Variants in SPOCK1 observed in about 807,000 individuals in gnomAD.
The protein encoded by SPOCK1 is SPARC (osteonectin), cwcv and kazal like domains proteoglycan 1.
SPOCK1 carries 23 observed loss-of-function variants against 55.3 expected under a neutral mutation model. The ratio of observed to expected loss-of-function variants is 0.42; its 90% CI spans 0.30 to 0.59. The LOEUF (loss-of-function observed/expected upper bound fraction) is 0.59. Ranked by LOEUF, SPOCK1 falls within the 20% of genes least tolerant of loss-of-function variation. SPOCK1 has a pLI of 0.22. For synonymous variants in SPOCK1, 226 were observed against 221.0 expected (o/e 1.02, Z -0.20); for missense variants, 499 against 552.5 (o/e 0.90, Z 0.97).
chr5:137,132,346 G>T (rs1753902416), intron 4 of SPOCK1, among the ~76,000 whole-genome samples: 1 of 152,158 alleles, frequency 6.6e-6, no homozygotes, highest in South Asian at 2.1e-4. Context: ...AGCAAGATCT[G>T]ATCCCTAATG....
At chr5:137,454,267 A>T (rs1753319050) in intron 2 of SPOCK1, among the ~76,000 whole-genome samples, 2 of 152,242 alleles carry the variant, frequency 1.3e-5, no homozygotes, top group South Asian at 4.2e-4. Flanking sequence ...CAGACTTAAG[A>T]GGACAGCCAC....
At chr5:137,436,555 A>C (rs1365935760) in intron 2 of SPOCK1, among the ~76,000 whole-genome samples, 1 of 152,182 alleles carries the variant, frequency 6.6e-6, no homozygotes, top group Non-Finnish European at 1.5e-5. Context: ...TCTATTATGC[A>C]TCATTTCCAA....
chr5:137,479,740 G>A (rs910119678), intron 2 of SPOCK1, among the ~76,000 whole-genome samples: 2 of 152,192 alleles, frequency 1.3e-5, no homozygotes, highest in Admixed American at 6.5e-5. Context: ...AGAGATGTGT[G>A]GCATGAGAAG....
rs75564212 is a variant in SPOCK1 at position 137,202,347 on chromosome 5, C to T, written c.233-61653G>A. 6.0e-3 allele frequency among the ~76,000 whole-genome samples: 913 copies of T among 152,296 alleles called. 13 individuals carry two copies. The highest frequency in any genetic ancestry group is 0.021 in the African/African-American group (858 of 41,570). On this transcript the variant is annotated intron_variant, in intron 3 of 10. Coordinates refer to ENST00000394945, the MANE Select transcript of SPOCK1 (RefSeq NM_004598.4). Reference sequence around the variant, plus strand: ...TGCTTGTGAATATACTGCTAATACACAATTTTTTGAATGTTTTTCTTGTGT... The same window carrying T: ...TGCTTGTGAATATACTGCTAATACATAATTTTTTGAATGTTTTTCTTGTGT...
At chr5:136,988,813 T>G in intron 7 of SPOCK1, 170 bp from the exon 8 acceptor site, 1 of 553,828 alleles carries the variant, frequency 1.8e-6, no homozygotes, top group Admixed American at 3.4e-5. Flanking sequence ...TTTTGTGTTT[T>G]TTTGTTTTGT....
At chr5:137,213,574 G>A (rs1009875587) in intron 3 of SPOCK1, among the ~76,000 whole-genome samples, 4 of 152,134 alleles carry the variant, frequency 2.6e-5, no homozygotes, top group African/African-American at 7.2e-5. Flanking sequence ...TAACCACCAC[G>A]CTCGCAAGAG....
intron 5 of SPOCK1, among the ~76,000 whole-genome samples, chr5:137,098,945 T>G (rs545835816): frequency 1.3e-5 from 2 of 151,132 alleles, no homozygotes; most frequent in African/African-American, 4.9e-5. Flanking sequence ...CCAAGACCTC[T>G]TCTCAAAGAG....
At chr5:137,052,745 GTAT>G (rs1328523255) in intron 6 of SPOCK1, among the ~76,000 whole-genome samples, 1 of 152,114 alleles carries the variant, frequency 6.6e-6, no homozygotes, top group African/African-American at 2.4e-5. Flanking sequence ...ATATAATTAA[GTAT>G]TATTAAGCTA....
intron 4 of SPOCK1, among the ~76,000 whole-genome samples, chr5:137,117,252 TA>T (rs1204113762): frequency 6.6e-6 from 1 of 152,242 alleles, no homozygotes; most frequent in Non-Finnish European, 1.5e-5. Context: ...AATTCAAGTC[TA>T]TAGGACTGGA....
At chr5:137,126,648 G>C (rs1442584888) in intron 4 of SPOCK1, among the ~76,000 whole-genome samples, 1 of 152,152 alleles carries the variant, frequency 6.6e-6, no homozygotes, top group Admixed American at 6.5e-5. Context: ...TGTAATCCAA[G>C]CTACTCGGGA....
rs7723483 is a variant in SPOCK1 at position 137,073,881 on chromosome 5, G to A, written c.475-6052C>T. ...CCTTATAGTGTTATTATTACACAAAGAAGAAAATGCACACTTTCAATAAAA... is the reference window on the plus strand; with the variant it reads ...CCTTATAGTGTTATTATTACACAAAAAAGAAAATGCACACTTTCAATAAAA... On this transcript the variant is annotated intron_variant, in intron 5 of 10. Transcript: ENST00000394945. Among the ~76,000 whole-genome samples, 422 of 152,260 alleles carry A rather than the reference G, an allele frequency of 2.8e-3. 7 individuals carry two copies. Among genetic ancestry groups the A allele is most frequent in the African/African-American group, 9.8e-3 (407 of 41,552 alleles).
chr5:137,221,475 A>G (rs767025353), intron 3 of SPOCK1, among the ~76,000 whole-genome samples: 5 of 152,188 alleles, frequency 3.3e-5, no homozygotes, highest in Non-Finnish European at 5.9e-5. Context: ...CAACAGATCT[A>G]TATGTTATGA....
intron 5 of SPOCK1, among the ~76,000 whole-genome samples, chr5:137,104,559 G>C (rs1344231875): frequency 2.0e-5 from 3 of 152,290 alleles, no homozygotes; most frequent in Admixed American, 1.3e-4. Context: ...TTAGGAACCG[G>C]CCCACAGCAG....
intron 2 of SPOCK1, among the ~76,000 whole-genome samples, chr5:137,479,754 C>A (rs1369652751): frequency 1.3e-5 from 2 of 152,190 alleles, no homozygotes; most frequent in Non-Finnish European, 2.9e-5. Context: ...TGAGAAGAAA[C>A]AAACCTTTGT....
chr5:137,106,595 T>C (rs1753374037), intron 5 of SPOCK1, among the ~76,000 whole-genome samples: 1 of 152,070 alleles, frequency 6.6e-6, no homozygotes, highest in East Asian at 1.9e-4. Flanking sequence ...AAATACCTTT[T>C]TAGATGGTTT....
At chr5:137,297,151 CATGT>C (rs1243151597) in intron 2 of SPOCK1, among the ~76,000 whole-genome samples, 5 of 152,164 alleles carry the variant, frequency 3.3e-5, no homozygotes, top group African/African-American at 1.2e-4. Flanking sequence ...CACACACATA[CATGT>C]ATGTATGCAT....
chr5:137,469,842 G>A (rs1024218159), intron 2 of SPOCK1, among the ~76,000 whole-genome samples: 1 of 152,144 alleles, frequency 6.6e-6, no homozygotes, highest in African/African-American at 2.4e-5. Flanking sequence ...CCCCACCCAA[G>A]AGGCTATTTC....
At position 137,173,921 on chromosome 5, in the gene SPOCK1, C is replaced by T. The variant is rs1483387486; in HGVS notation, c.233-33227G>A. ...TCATTTAATCCTTGCAACAATGCCA[C>T]GAAGTATGTGTAATTACCATTTTAT... On this transcript the variant is annotated intron_variant, in intron 3 of 10. Coordinates refer to ENST00000394945, the MANE Select transcript of SPOCK1 (RefSeq NM_004598.4). Among the ~76,000 whole-genome samples the T allele has an allele frequency of 4.6e-5, 7 of 152,254 alleles. No homozygotes were observed. In the East Asian group the frequency reaches 5.8e-4, roughly 13 times the overall value.
intron 3 of SPOCK1, among the ~76,000 whole-genome samples, chr5:137,228,405 C>G (rs1362213141): frequency 1.3e-5 from 2 of 152,236 alleles, no homozygotes; most frequent in Non-Finnish European, 2.9e-5. Flanking sequence ...CTTTGGGAGG[C>G]TGAGGTGGGT....
Sources: gnomAD v4.1 joint callset for allele counts (sites outside exome capture counted in the v4.1 genomes callset) on GRCh38, gnomAD v4.1.1 for gene constraint, MANE v1.5 for transcripts, NCBI Gene and HGNC (gene_info 2026-07-23, HGNC 2026-07-21) for gene names.